The following TRAP1 variants were observed in gnomAD, a reference collection of about 807,000 sequenced individuals.
TRAP1 encodes TNF receptor associated protein 1, also known as heat shock protein 75 kDa, mitochondrial.
In TRAP1, 102 loss-of-function variants were observed where a neutral mutation model predicts 89.1. That is an observed-to-expected ratio of 1.15 (90% CI 0.98 to 1.35). The LOEUF (loss-of-function observed/expected upper bound fraction) is 1.35, where lower values mean the gene tolerates loss of function less well. TRAP1 is among the 40% of genes most tolerant of loss of function. The pLI is 0.00. For synonymous variants in TRAP1, 508 were observed against 388.0 expected (o/e 1.31, Z -3.64); for missense variants, 1,256 against 945.3 (o/e 1.33, Z -4.31).
Position 3,671,804 on chromosome 16 carries a change from G to T in TRAP1, c.1166-13C>A. ...CTGTCCACCACACCTGGGAGACACG[G>T]CAGTCAGCTTCTCCCGGGGCTGCGG... On this transcript the variant is annotated splice_polypyrimidine_tract_variant and intron_variant, in intron 10 of 17. Coordinates refer to ENST00000246957, the MANE Select transcript of TRAP1 (RefSeq NM_016292.3). 1 of 1,611,918 alleles carries T rather than the reference G, an allele frequency of 6.2e-7. No homozygotes were observed. Among genetic ancestry groups the T allele is most frequent in the Non-Finnish European group, 8.5e-7 (1 of 1,179,918 alleles).
At chr16:3,664,666 G>A (rs1014180992) in intron 12 of TRAP1, 1 of 567,072 alleles carries the variant, frequency 1.8e-6, no homozygotes, top group Non-Finnish European at 3.0e-6. Context: ...GGGGGCTTAG[G>A]AAGCACCTCC....
At chr16:3,674,578 G>C in intron 8 of TRAP1, 84 bp from the exon 9 acceptor site, 1 of 1,511,050 alleles carries the variant, frequency 6.6e-7, no homozygotes. Flanking sequence ...CCAGTGCAGC[G>C]CCTGGCCCTG....
chr16:3,699,736 T>C (rs1052787753), intron 1 of TRAP1, among the ~76,000 whole-genome samples: 1 of 151,410 alleles, frequency 6.6e-6, no homozygotes, highest in African/African-American at 2.4e-5. Context: ...GGTACAGTCA[T>C]GGCTCACTGC....
intron 3 of TRAP1, among the ~76,000 whole-genome samples, chr16:3,688,386 C>T (rs909644094): frequency 9.8e-5 from 15 of 152,296 alleles, no homozygotes; most frequent in African/African-American, 3.4e-4. Context: ...CAGCCAAAGC[C>T]GCCAAGACCT....
chr16:3,663,568 G>C lies in TRAP1; in HGVS notation c.1570-6C>G. 1 of 1,613,686 alleles carries C rather than the reference G, an allele frequency of 6.2e-7. No individual in the cohort carries two copies. Among genetic ancestry groups the C allele is most frequent in the Non-Finnish European group, 8.5e-7 (1 of 1,179,890 alleles). ...TGCTCAAAGCAGAAGAGAACCTGCA[G>C]GTGGCCAAGAGCAGCTCCATCAGAC... On this transcript the variant is annotated splice_region_variant and splice_polypyrimidine_tract_variant and intron_variant, in intron 13 of 17. Transcript: ENST00000246957.
chr16:3,681,328 A>G (rs2051070720), intron 4 of TRAP1, among the ~76,000 whole-genome samples: 1 of 152,170 alleles, frequency 6.6e-6, no homozygotes, highest in African/African-American at 2.4e-5. Flanking sequence ...CCATTGGCAA[A>G]GCAAGGGTGG....
At chr16:3,693,744 G>T (rs2151272490) in intron 1 of TRAP1, among the ~76,000 whole-genome samples, 1 of 152,274 alleles carries the variant, frequency 6.6e-6, no homozygotes, top group East Asian at 1.9e-4. Flanking sequence ...TGTAATCCCA[G>T]CACTTTGGGA....
chr16:3,711,638 A>G (rs1333568312), intron 1 of TRAP1, among the ~76,000 whole-genome samples: 4 of 152,042 alleles, frequency 2.6e-5, no homozygotes, highest in African/African-American at 9.7e-5. Context: ...AACAAAAACA[A>G]AAAAAACACA....
rs2151228456 is a variant in TRAP1, at chr16:3,658,069, A to AT, written c.*59dup. ...AAGAAATACCTTTAAATTTAGGTAA[A>AT]TAAAGCTCAAGGAGGTGGGGCTGTC... On this transcript the variant is annotated 3_prime_UTR_variant, in exon 18 of 18. Coordinates refer to ENST00000246957, the MANE Select transcript of TRAP1 (RefSeq NM_016292.3). 1 of 1,609,370 alleles carries AT rather than the reference A, an allele frequency of 6.2e-7. No individual in the cohort carries two copies. The highest frequency in any genetic ancestry group is 2.2e-5 in the East Asian group (1 of 44,826).
At position 3,672,879 on chromosome 16, in the gene TRAP1, C is replaced by A; in HGVS notation, c.1045-59G>T. ...CTGACCCTCCCCAGGCAGGCCCTGG[C>A]TGGGAGGTGGGGGCGGACACGATGA... is the stretch of plus-strand genomic sequence containing the variant. On this transcript the variant is annotated intron_variant, in intron 9 of 17. Coordinates refer to ENST00000246957, the MANE Select transcript of TRAP1 (RefSeq NM_016292.3). The A allele has an allele frequency of 1.3e-6, 2 of 1,559,640 alleles. No individual in the cohort carries two copies. Among genetic ancestry groups the A allele is most frequent in the Non-Finnish European group, 8.7e-7 (1 of 1,154,298 alleles).
At position 3,663,427 on chromosome 16, in the gene TRAP1, G is replaced by A. The variant is rs1038370962; in HGVS notation, c.1705C>T (p.Pro569Ser). Residue 569 changes from proline to serine, a missense_variant, in exon 14 of 18, where the codon CCA becomes TCA. By Grantham distance (74) the Pro-to-Ser change is moderately conservative. Coordinates refer to ENST00000246957, the MANE Select transcript of TRAP1 (RefSeq NM_016292.3). ...CTAGAGAGCAGGGGATGCCGACCTG[G>A]GGACCTGTCCTCAAACTTCTCCTCC... Reference protein sequence around the residue: ...YKEEKFEDRSPAAECLSEKET... With the variant: ...YKEEKFEDRSSAAECLSEKET... 9 of 1,613,982 alleles carry A rather than the reference G, an allele frequency of 5.6e-6. No homozygotes were observed. The East Asian group carries it at 1.1e-4, about 20-fold the overall frequency.
chr16:3,692,595 C>CTT lies in TRAP1; in HGVS notation c.89-1612_89-1611dup, dbSNP rs202237111. Among the ~76,000 whole-genome samples, 268 of 105,180 alleles carry CTT rather than the reference C, an allele frequency of 2.5e-3. 6 individuals are homozygous for CTT. The highest frequency in any genetic ancestry group is 9.2e-3 in the African/African-American group (235 of 25,534). 69.0% of individuals were successfully genotyped at this position (105,180 alleles called of 152,430 possible). On this transcript the variant is annotated intron_variant, in intron 1 of 17. Transcript: ENST00000246957. ...ACTCCTAAAAGGTACAAAAACTTGC[C>CTT]TTTTTTTTTTTTTTTTTTTTGAGAT...
At chr16:3,697,606 G>C (rs1157165248) in intron 1 of TRAP1, among the ~76,000 whole-genome samples, 1 of 149,734 alleles carries the variant, frequency 6.7e-6, no homozygotes, top group African/African-American at 2.5e-5. Flanking sequence ...GGAGTTTGCA[G>C]CGAGCTGAGA....
In TRAP1 at chr16:3,664,438, G is replaced by T; in HGVS notation, c.1405C>A (p.Arg469Ser). Reference sequence around the variant, plus strand: ...GAGGGCAGCGCCGAGGACTCGTAGCGCAGCAGCTTTGCTATGTCCTCCTAG... The same window carrying T: ...GAGGGCAGCGCCGAGGACTCGTAGCTCAGCAGCTTTGCTATGTCCTCCTAG... The part of the protein sequence containing the change: ...EVKEDIAKLL[R>S]YESSALPSGQ... The change falls in exon 13 of 18, where the codon CGC (arginine) becomes AGC (serine). Residue 469 changes from arginine to serine, a missense_variant. Physicochemically the swap from Arg to Ser is moderately radical, Grantham distance 110 (BLOSUM62 -1). Transcript: ENST00000246957. The T allele has an allele frequency of 6.2e-7, 1 of 1,611,726 alleles. No individual in the cohort carries two copies. Among genetic ancestry groups the T allele is most frequent in the Non-Finnish European group, 8.5e-7 (1 of 1,179,172 alleles).
intron 6 of TRAP1, 117 bp from the exon 7 acceptor site, chr16:3,676,262 C>A: frequency 2.8e-6 from 2 of 708,796 alleles, no homozygotes; most frequent in Non-Finnish European, 4.6e-6. Flanking sequence ...ACACAACACA[C>A]CTCAAATGCC....
intron 11 of TRAP1, among the ~76,000 whole-genome samples, chr16:3,670,709 A>C (rs542891558): frequency 1.3e-5 from 2 of 152,302 alleles, no homozygotes; most frequent in South Asian, 4.1e-4. Flanking sequence ...TCAGTCAACC[A>C]ATAAAACATC....
At position 3,677,544 on chromosome 16, in the gene TRAP1, G is replaced by A. The variant is rs773437441; in HGVS notation, c.658C>T (p.Arg220Cys). 190 of 1,614,134 alleles carry A rather than the reference G, an allele frequency of 1.2e-4. 2 individuals are homozygous for A. The highest frequency in any genetic ancestry group is 3.7e-4 in the South Asian group (34 of 91,082). Residue 220 changes from arginine (R) to cysteine (C), a missense_variant, in exon 6 of 18, where the codon CGC (arginine) becomes TGC (cysteine). By Grantham distance (180) the Arg-to-Cys change is radical (BLOSUM62 -3). Transcript: ENST00000246957. ...MVADRVEVYS[R>C]SAAPGSLGYQ... ...CCCAGGCTCCCCGGGGCTGCCGAGC[G>A]GGAATAGACCTCCACTCTGTCAGCC...
rs1567222709 is a variant in TRAP1 at position 3,663,527 on chromosome 16, G to A, written c.1605C>T (p.Thr535=). ...TGTCAAACTCACGAAGGTGCAGCAGGGTGAGCTCATCAAACTGCTCAAAGC... is the reference window on the plus strand; with the variant it reads ...TGTCAAACTCACGAAGGTGCAGCAGAGTGAGCTCATCAAACTGCTCAAAGC... ...LFCFEQFDEL[T]LLHLREFDKK... The change falls in exon 14 of 18, where the codon ACC becomes ACT. Residue 535 remains threonine, a synonymous_variant. Transcript: ENST00000246957. The A allele has an allele frequency of 1.2e-5, 19 of 1,614,074 alleles. No individual in the cohort carries two copies. The highest frequency in any genetic ancestry group is 4.5e-5 in the East Asian group (2 of 44,882).
chr16:3,661,680 G>C (rs1567219736), intron 16 of TRAP1: 1 of 326,522 alleles, frequency 3.1e-6, no homozygotes. Flanking sequence ...CACGTACAAA[G>C]CTCAAAACAG....
Sources: gnomAD v4.1 joint callset for allele counts (sites outside exome capture counted in the v4.1 genomes callset) on GRCh38, gnomAD v4.1.1 for gene constraint, MANE v1.5 for transcripts, NCBI Gene and HGNC (gene_info 2026-07-23, HGNC 2026-07-21) for gene names.